Variants in TAF4B observed in about 807,000 individuals in gnomAD.
The protein encoded by TAF4B is TATA-box binding protein associated factor 4b.
In TAF4B, 38 loss-of-function variants were observed where a neutral mutation model predicts 86.4. The ratio of observed to expected loss-of-function variants is 0.44; its 90% CI spans 0.34 to 0.58. TAF4B has a LOEUF of 0.58. TAF4B is among the 20% of genes least tolerant of loss of function. TAF4B has a pLI of 0.02. For missense variants in TAF4B, 988 were observed against 1,027.6 expected (o/e 0.96, Z 0.53); for synonymous variants, 388 against 391.2 (o/e 0.99, Z 0.10).
chr18:26,244,959 G>A (rs2055900139), intron 1 of TAF4B, among the ~76,000 whole-genome samples: 1 of 152,194 alleles, frequency 6.6e-6, no homozygotes, highest in South Asian at 2.1e-4. Context: ...GGACCCCAGA[G>A]CTGAATGTCT....
chr18:26,245,301 T>C (rs1441098435), intron 1 of TAF4B, among the ~76,000 whole-genome samples: 1 of 152,186 alleles, frequency 6.6e-6, no homozygotes, highest in Non-Finnish European at 1.5e-5. Flanking sequence ...GTGGTCTCGC[T>C]GACTTCAAGA....
At chr18:26,292,776 C>T (rs568526389) in intron 8 of TAF4B, among the ~76,000 whole-genome samples, 1 of 152,182 alleles carries the variant, frequency 6.6e-6, no homozygotes, top group African/African-American at 2.4e-5. Context: ...ATCCACCCAC[C>T]TTGGCCTCCC....
At chr18:26,262,997 CG>C (rs1186471610) in intron 1 of TAF4B, among the ~76,000 whole-genome samples, 20 of 152,072 alleles carry the variant, frequency 1.3e-4, no homozygotes, top group Admixed American at 9.8e-4. Flanking sequence ...GTCACCTAGG[CG>C]GAAGTGCAGT....
chr18:26,239,846 T>C (rs547107513), intron 1 of TAF4B, among the ~76,000 whole-genome samples: 1 of 152,362 alleles, frequency 6.6e-6, no homozygotes, highest in East Asian at 1.9e-4. Context: ...AAATAGGGAC[T>C]CCTTTCCCCA....
At chr18:26,274,154 G>A (rs867630854) in intron 3 of TAF4B, among the ~76,000 whole-genome samples, 4 of 152,032 alleles carry the variant, frequency 2.6e-5, no homozygotes, top group African/African-American at 4.8e-5. Context: ...AAGATACCAC[G>A]TTTTATAATA....
chr18:26,350,500 T>G (rs1567916579), intron 13 of TAF4B, among the ~76,000 whole-genome samples: 1 of 151,994 alleles, frequency 6.6e-6, no homozygotes, highest in Non-Finnish European at 1.5e-5. Flanking sequence ...AGAGACCCCG[T>G]CTCTACAAAA....
At chr18:26,372,331 A>G (rs950092820) in intron 14 of TAF4B, among the ~76,000 whole-genome samples, 4 of 152,170 alleles carry the variant, frequency 2.6e-5, no homozygotes, top group African/African-American at 9.7e-5. Flanking sequence ...GGCTTTGGAG[A>G]GTGACAGTGG....
intron 6 of TAF4B, among the ~76,000 whole-genome samples, chr18:26,283,990 G>A (rs138052338): frequency 7.9e-5 from 12 of 151,954 alleles, no homozygotes; most frequent in South Asian, 2.1e-4. Flanking sequence ...GGAGGCAGAG[G>A]TTGCAGTGAG....
chr18:26,308,122 C>T lies in TAF4B; in HGVS notation c.1833-7107C>T, dbSNP rs770097705. ...CCCCAAAATTAGTTGGGCATGGTGGCGCACGCCTGTAATCCTAGCTACTTG... is the reference window on the plus strand; with the variant it reads ...CCCCAAAATTAGTTGGGCATGGTGGTGCACGCCTGTAATCCTAGCTACTTG... On this transcript the variant is annotated intron_variant, in intron 9 of 14. Coordinates refer to ENST00000269142, the MANE Select transcript of TAF4B (RefSeq NM_005640.3). Among the ~76,000 whole-genome samples the T allele has an allele frequency of 4.6e-5, 7 of 151,988 alleles. No homozygotes were observed. The South Asian group carries it at 8.3e-4, about 18-fold the overall frequency.
rs1168814149 is a variant in TAF4B at position 26,226,868 on chromosome 18, G to T, written c.-66G>T. Reference sequence around the variant, plus strand: ...ACCGCACCGGAGTCGGCTGCCGCGCGCCAAGCCTCCCCTCACCTCTGCTCC... The same window carrying T: ...ACCGCACCGGAGTCGGCTGCCGCGCTCCAAGCCTCCCCTCACCTCTGCTCC... On this transcript the variant is annotated 5_prime_UTR_variant, in exon 1 of 15. Coordinates refer to ENST00000269142, the MANE Select transcript of TAF4B (RefSeq NM_005640.3). 6.4e-6 allele frequency: 8 copies of T among 1,259,694 alleles called. No homozygotes were observed. The East Asian group carries it at 1.3e-4, about 20-fold the overall frequency. The allele number at this position is 1,259,694 out of a possible 1,614,324, so 78.0% of individuals were successfully genotyped here.
chr18:26,289,898 G>A (rs1466737104), intron 7 of TAF4B, among the ~76,000 whole-genome samples: 1 of 152,128 alleles, frequency 6.6e-6, no homozygotes, highest in African/African-American at 2.4e-5. Flanking sequence ...CATTAAGATG[G>A]GAAGTGATGG....
Position 26,307,556 on chromosome 18 carries a change from TAATAA to T in TAF4B, c.1833-7668_1833-7664del, listed in dbSNP as rs202082962. On this transcript the variant is annotated intron_variant, in intron 9 of 14. Coordinates refer to ENST00000269142, the MANE Select transcript of TAF4B (RefSeq NM_005640.3). ...AAAGTCCTTATATTTTAGAGATACA[TAATAA>T]AATATTTATGGATAATATCTATATA... Among the ~76,000 whole-genome samples, 1,342 of 152,300 alleles carry T rather than the reference TAATAA, an allele frequency of 8.8e-3. 16 individuals carry two copies. Among genetic ancestry groups the T allele is most frequent in the Non-Finnish European group, 0.013 (866 of 68,020 alleles).
At chr18:26,233,054 G>T (rs1368194737) in intron 1 of TAF4B, among the ~76,000 whole-genome samples, 5 of 152,194 alleles carry the variant, frequency 3.3e-5, no homozygotes, top group Non-Finnish European at 5.9e-5. Flanking sequence ...TGTCTAGTTG[G>T]TGGGGAGGCA....
At chr18:26,356,766 T>G (rs975780576) in intron 13 of TAF4B, among the ~76,000 whole-genome samples, 1 of 148,406 alleles carries the variant, frequency 6.7e-6, no homozygotes, top group African/African-American at 2.5e-5. Context: ...TCTAGTGGTG[T>G]TCTATTTTGA....
chr18:26,341,070 T>C (rs536858012), intron 13 of TAF4B, among the ~76,000 whole-genome samples: 4 of 151,780 alleles, frequency 2.6e-5, no homozygotes, highest in South Asian at 2.1e-4. Flanking sequence ...GAGAGACTTA[T>C]TACTCTCTTA....
At position 26,328,471 on chromosome 18, in the gene TAF4B, A is replaced by T. The variant is rs143839820; in HGVS notation, c.2259+1331A>T. ...CTCCAAAAAATAAATAAATAAAAAC[A>T]AAACAAAAAAACTCCAGAAAAACCT... On this transcript the variant is annotated intron_variant, in intron 12 of 14. Coordinates refer to ENST00000269142, the MANE Select transcript of TAF4B (RefSeq NM_005640.3). Among the ~76,000 whole-genome samples, 1,253 of 152,232 alleles carry T rather than the reference A, an allele frequency of 8.2e-3. 10 individuals carry two copies. Among genetic ancestry groups the T allele is most frequent in the Non-Finnish European group, 0.013 (870 of 68,014 alleles).
chr18:26,371,448 A>G (rs1440818084), intron 14 of TAF4B, among the ~76,000 whole-genome samples: 1 of 151,774 alleles, frequency 6.6e-6, no homozygotes, highest in Non-Finnish European at 1.5e-5. Flanking sequence ...TAGTAATGAC[A>G]GGGGAACTGC....
At chr18:26,319,168 T>G (rs1234723136) in intron 10 of TAF4B, among the ~76,000 whole-genome samples, 2 of 152,014 alleles carry the variant, frequency 1.3e-5, no homozygotes, top group East Asian at 1.9e-4. Flanking sequence ...CATTCCAGCC[T>G]GGGTGACAGA....
At chr18:26,255,605 A>AAAAAAAAAAAAAAAAG in intron 1 of TAF4B, 2 of 505,066 alleles carry the variant, frequency 4.0e-6, no homozygotes, top group Non-Finnish European at 6.2e-6. Context: ...TCTGTCTCCA[A>AAAAAAAAAAAAAAAAG]AAAAAAAAAA....
Sources: gnomAD v4.1 joint callset for allele counts (sites outside exome capture counted in the v4.1 genomes callset) on GRCh38, gnomAD v4.1.1 for gene constraint, MANE v1.5 for transcripts, NCBI Gene and HGNC (gene_info 2026-07-23, HGNC 2026-07-21) for gene names.